The following ZNF638 variants were observed in gnomAD, a reference collection of about 807,000 sequenced individuals.
The protein encoded by ZNF638 is CTCL tumor antigen se33-1.
In ZNF638, 46 loss-of-function variants were observed where a neutral mutation model predicts 195.6. The ratio of observed to expected loss-of-function variants is 0.24; its 90% CI spans 0.19 to 0.30. ZNF638 has a LOEUF of 0.30. Ranked by LOEUF, ZNF638 falls within the 10% of genes least tolerant of loss-of-function variation. ZNF638 has a pLI of 1.00. For synonymous variants in ZNF638, 845 were observed against 772.0 expected (o/e 1.09, Z -1.57); for missense variants, 2,440 against 2,325.3 (o/e 1.05, Z -1.01).
chr2:71,358,398 TC>T (rs1487587231), intron 3 of ZNF638, among the ~76,000 whole-genome samples: 1 of 152,184 alleles, frequency 6.6e-6, no homozygotes, highest in East Asian at 1.9e-4. Flanking sequence ...CAAATCGCTC[TC>T]TCGTCTGGGC....
chr2:71,336,106 T>C (rs952325193), intron 1 of ZNF638, among the ~76,000 whole-genome samples: 1 of 152,190 alleles, frequency 6.6e-6, no homozygotes, highest in Non-Finnish European at 1.5e-5. Context: ...GCACGGTGGC[T>C]CACGCCTGTA....
At chr2:71,425,405 T>C (rs2080519277) in intron 23 of ZNF638, among the ~76,000 whole-genome samples, 1 of 152,168 alleles carries the variant, frequency 6.6e-6, no homozygotes, top group African/African-American at 2.4e-5. Flanking sequence ...GCTTTGTTAA[T>C]TTGATAGTAC....
chr2:71,343,385 T>G (rs2078796888), intron 1 of ZNF638, among the ~76,000 whole-genome samples: 1 of 152,162 alleles, frequency 6.6e-6, no homozygotes, highest in African/African-American at 2.4e-5. Context: ...TTAGGATGTA[T>G]CTCCTCACCC....
At chr2:71,429,579 T>G (rs1320556641) in intron 25 of ZNF638, among the ~76,000 whole-genome samples, 5 of 152,210 alleles carry the variant, frequency 3.3e-5, no homozygotes, top group Admixed American at 3.3e-4. Context: ...GAAATATCCC[T>G]TTGACCTTGA....
chr2:71,427,496 TACCA>T, intron 24 of ZNF638, 82 bp downstream of exon 24: 9 of 1,053,914 alleles, frequency 8.5e-6, no homozygotes, highest in Non-Finnish European at 1.2e-5. Flanking sequence ...GTTGTGGCAT[TACCA>T]ATAATGTCAC....
chr2:71,410,637 A>G (rs2080195588), intron 20 of ZNF638, among the ~76,000 whole-genome samples: 1 of 152,202 alleles, frequency 6.6e-6, no homozygotes, highest in South Asian at 2.1e-4. Context: ...GAGATAGACT[A>G]TAAACAGATA....
intron 21 of ZNF638, among the ~76,000 whole-genome samples, chr2:71,421,367 A>T (rs1157556438): frequency 2.0e-5 from 2 of 99,452 alleles, no homozygotes; most frequent in African/African-American, 3.8e-5. Flanking sequence ...GATTATTTTA[A>T]AAAAAAAACA....
chr2:71,387,344 A>T (rs1379238505), intron 10 of ZNF638, among the ~76,000 whole-genome samples: 3 of 152,174 alleles, frequency 2.0e-5, no homozygotes, highest in Non-Finnish European at 4.4e-5. Flanking sequence ...ATTATTCATT[A>T]AATTAGCTAC....
intron 21 of ZNF638, among the ~76,000 whole-genome samples, chr2:71,421,075 C>A (rs973857044): frequency 6.6e-6 from 1 of 152,030 alleles, no homozygotes; most frequent in Non-Finnish European, 1.5e-5. Flanking sequence ...GTTATCCTAG[C>A]CCCATAGATG....
rs2080557888 is a variant in ZNF638, at chr2:71,427,265, A to G, written c.5396A>G (p.Asn1799Ser). The stretch of plus-strand genomic sequence containing the variant: ...AAAGTTGAGTTAGCACAAAGCAAAA[A>G]TGACCATCCCACAGATAAAAAAGGG... ...DLKVELAQSK[N>S]DHPTDKKGNR... Residue 1799 changes from asparagine (N) to serine (S), a missense_variant, in exon 24 of 28, where the codon AAT (asparagine) becomes AGT (serine). Coordinates refer to ENST00000264447, the MANE Select transcript of ZNF638 (RefSeq NM_014497.5). 6.2e-7 allele frequency: 1 copy of G among 1,613,564 alleles called. No homozygotes were observed. The highest frequency in any genetic ancestry group is 8.5e-7 in the Non-Finnish European group (1 of 1,179,968).
intron 14 of ZNF638, 52 bp downstream of exon 14, chr2:71,400,232 C>T: frequency 1.4e-6 from 2 of 1,387,548 alleles, no homozygotes; most frequent in South Asian, 1.3e-5. Context: ...ATTACCAATG[C>T]CATACCTAAG....
chr2:71,341,332 A>C (rs2078758497), intron 1 of ZNF638, among the ~76,000 whole-genome samples: 1 of 152,226 alleles, frequency 6.6e-6, no homozygotes, highest in Non-Finnish European at 1.5e-5. Flanking sequence ...AACAGTTCAA[A>C]GGTTCAGCAT....
chr2:71,360,171 A>G (rs2079085028), intron 3 of ZNF638, among the ~76,000 whole-genome samples: 1 of 152,252 alleles, frequency 6.6e-6, no homozygotes, highest in African/African-American at 2.4e-5. Context: ...TCAGAATAAA[A>G]TATTGAAGAG....
intron 20 of ZNF638, among the ~76,000 whole-genome samples, chr2:71,411,927 A>G: frequency 1.3e-5 from 1 of 75,926 alleles, no homozygotes; most frequent in Non-Finnish European, 2.4e-5. Flanking sequence ...ATAGTGCCGC[A>G]ATAAACATAC....
chr2:71,342,990 T>G (rs149392614), intron 1 of ZNF638, among the ~76,000 whole-genome samples: 1 of 152,230 alleles, frequency 6.6e-6, no homozygotes, highest in Non-Finnish European at 1.5e-5. Context: ...CCAAAGACTT[T>G]AGGATACTCC....
In ZNF638 at chr2:71,415,041, T is replaced by C. The variant is rs1381815499; in HGVS notation, c.3262-3561T>C. 2.1e-4 allele frequency among the ~76,000 whole-genome samples: 2 copies of C among 9,548 alleles called. 1 individual carries two copies. Among genetic ancestry groups the C allele is most frequent in the African/African-American group, 1.2e-3 (2 of 1,630 alleles). 6.3% of individuals were successfully genotyped at this position (9,548 alleles called of 152,430 possible). On this transcript the variant is annotated intron_variant, in intron 20 of 27. Transcript: ENST00000264447. Reference sequence around the variant, plus strand: ...AATTCCTGGGTGTCCTTGTTGACTTTCTGTCTCGTTGATCTGTCTAATGTT... The same window carrying C: ...AATTCCTGGGTGTCCTTGTTGACTTCCTGTCTCGTTGATCTGTCTAATGTT...
chr2:71,401,019 C>T (rs1224000665), intron 15 of ZNF638, among the ~76,000 whole-genome samples: 2 of 152,096 alleles, frequency 1.3e-5, no homozygotes, highest in African/African-American at 2.4e-5. Flanking sequence ...CATTAATTTA[C>T]ATTTTACTGG....
At chr2:71,332,560 A>G (rs912517608) in intron 1 of ZNF638, among the ~76,000 whole-genome samples, 1 of 152,218 alleles carries the variant, frequency 6.6e-6, no homozygotes, top group East Asian at 1.9e-4. Context: ...TGTGATACCT[A>G]ACAGTATTTC....
chr2:71,408,335 G>C, intron 20 of ZNF638, 88 bp downstream of exon 20: 1 of 1,421,118 alleles, frequency 7.0e-7, no homozygotes, highest in Non-Finnish European at 9.4e-7. Context: ...AACTGTTTCT[G>C]TGTTTAGAGA....
Sources: gnomAD v4.1 joint callset for allele counts (sites outside exome capture counted in the v4.1 genomes callset) on GRCh38, gnomAD v4.1.1 for gene constraint, MANE v1.5 for transcripts, NCBI Gene and HGNC (gene_info 2026-07-23, HGNC 2026-07-21) for gene names.